PKP4: variants seen among roughly 807,000 people sequenced by gnomAD.
The protein encoded by PKP4 is plakophilin 4.
In PKP4, 90 loss-of-function variants were observed where a neutral mutation model predicts 145.1. The observed-to-expected ratio is 0.62, with a 90% confidence interval of 0.52 to 0.74. The LOEUF (loss-of-function observed/expected upper bound fraction) is 0.74, where lower values mean the gene tolerates loss of function less well. PKP4 is among the 30% of genes least tolerant of loss of function. The probability of loss-of-function intolerance (pLI) is 0.00; values close to 1 mark genes in which losing one functional copy is unlikely to be tolerated. For synonymous variants in PKP4, 563 were observed against 577.2 expected (o/e 0.98, Z 0.35); for missense variants, 1,340 against 1,482.7 (o/e 0.90, Z 1.58).
chr2:158,554,428 T>TATTA (rs1559315965), intron 2 of PKP4, among the ~76,000 whole-genome samples: 1 of 44,150 alleles, frequency 2.3e-5, no homozygotes, highest in East Asian at 9.7e-4. Flanking sequence ...TTATTATTAT[T>TATTA]ATTTTTTTTT....
chr2:158,557,646 A>G (rs2046207570), intron 2 of PKP4, among the ~76,000 whole-genome samples: 1 of 152,264 alleles, frequency 6.6e-6, no homozygotes, highest in African/African-American at 2.4e-5. Flanking sequence ...CATTCATAAC[A>G]TAATACTATT....
chr2:158,655,148 G>T (rs957792657), intron 11 of PKP4, among the ~76,000 whole-genome samples: 11 of 152,186 alleles, frequency 7.2e-5, no homozygotes, highest in African/African-American at 2.7e-4. Context: ...TAAAGCCACA[G>T]TAAATGGTGA....
At chr2:158,555,053 T>C (rs2045973373) in intron 2 of PKP4, among the ~76,000 whole-genome samples, 1 of 152,226 alleles carries the variant, frequency 6.6e-6, no homozygotes, top group South Asian at 2.1e-4. Flanking sequence ...TAAACATTAG[T>C]ACATGTTTTA....
At chr2:158,550,143 AAG>A (rs2045479186) in intron 2 of PKP4, among the ~76,000 whole-genome samples, 9 of 146,992 alleles carry the variant, frequency 6.1e-5, no homozygotes, top group East Asian at 2.0e-4. Flanking sequence ...TGCCAAGAAG[AAG>A]TTAAACAATC....
intron 7 of PKP4, among the ~76,000 whole-genome samples, chr2:158,629,779 C>T (rs376676445): frequency 2.6e-5 from 4 of 152,046 alleles, no homozygotes; most frequent in Admixed American, 6.6e-5. Context: ...GGCGCGATCT[C>T]GGCTCACTGC....
intron 1 of PKP4, among the ~76,000 whole-genome samples, chr2:158,499,806 T>A (rs1020551355): frequency 6.6e-6 from 1 of 152,230 alleles, no homozygotes; most frequent in African/African-American, 2.4e-5. Context: ...GCCCATAGAT[T>A]TGTCTTAGAC....
In PKP4 at chr2:158,669,912, A is replaced by T; in HGVS notation, c.2921A>T (p.Asp974Val). 3 of 1,609,394 alleles carry T rather than the reference A, an allele frequency of 1.9e-6. No homozygotes were observed. The highest frequency in any genetic ancestry group is 3.4e-5 in the Admixed American group (2 of 59,664). Residue 974 changes from aspartate to valine, a missense_variant, in exon 17 of 22, where the codon GAC (aspartate) becomes GTC (valine). By Grantham distance (152) the Asp-to-Val change is radical (BLOSUM62 -3). Transcript: ENST00000389759. ...KLVNITKGRG[D>V]RSSLKVVKAA... ...GTGAACATAACCAAAGGCAGGGGCG[A>T]CAGGCAAGTCTGCGGCAAGGAGGTG...
At chr2:158,659,645 A>G (rs1369010868) in intron 12 of PKP4, 1 of 152,248 alleles carries the variant, frequency 6.6e-6, no homozygotes, top group East Asian at 1.9e-4. Flanking sequence ...CTGAAATACC[A>G]CAAGGAGTGA....
intron 2 of PKP4, among the ~76,000 whole-genome samples, chr2:158,539,152 C>T (rs2044311771): frequency 6.6e-6 from 1 of 152,054 alleles, no homozygotes; most frequent in South Asian, 2.1e-4. Flanking sequence ...TCCTTATTAA[C>T]TTAAGTGATA....
chr2:158,624,027 A>T (rs2052519173), intron 6 of PKP4, among the ~76,000 whole-genome samples: 1 of 152,176 alleles, frequency 6.6e-6, no homozygotes, highest in South Asian at 2.1e-4. Flanking sequence ...AGAAATGTTC[A>T]CTTTCCATCC....
At chr2:158,567,052 G>A (rs1335471827) in intron 2 of PKP4, among the ~76,000 whole-genome samples, 8 of 152,172 alleles carry the variant, frequency 5.3e-5, no homozygotes, top group Admixed American at 5.2e-4. Flanking sequence ...AGGAAGGGGA[G>A]GCTGTAATAA....
intron 16 of PKP4, among the ~76,000 whole-genome samples, chr2:158,668,933 A>G (rs1018893962): frequency 6.6e-6 from 1 of 152,224 alleles, no homozygotes; most frequent in Non-Finnish European, 1.5e-5. Flanking sequence ...TAGTGCACTT[A>G]CAGTTTGTCA....
At chr2:158,618,362 G>A (rs1001214359) in intron 4 of PKP4, among the ~76,000 whole-genome samples, 3 of 152,136 alleles carry the variant, frequency 2.0e-5, no homozygotes, top group African/African-American at 7.2e-5. Context: ...CTGGGTACCT[G>A]AGAATTTTGT....
intron 2 of PKP4, among the ~76,000 whole-genome samples, chr2:158,543,123 A>G (rs1574394432): frequency 1.3e-5 from 2 of 152,256 alleles, no homozygotes; most frequent in East Asian, 3.9e-4. Flanking sequence ...GTGAGGCAAT[A>G]TATAGTCTTG....
chr2:158,545,596 C>A (rs2044953297), intron 2 of PKP4, among the ~76,000 whole-genome samples: 1 of 152,128 alleles, frequency 6.6e-6, no homozygotes, highest in South Asian at 2.1e-4. Context: ...TGTTTCTAGT[C>A]ACTTTTCATC....
chr2:158,561,304 T>C (rs1445754325), intron 2 of PKP4, among the ~76,000 whole-genome samples: 1 of 152,198 alleles, frequency 6.6e-6, no homozygotes, highest in East Asian at 1.9e-4. Context: ...GTTTGCCAAC[T>C]GCTGCTCTAG....
intron 8 of PKP4, among the ~76,000 whole-genome samples, chr2:158,633,387 T>C (rs975414753): frequency 2.0e-5 from 3 of 152,204 alleles, no homozygotes; most frequent in African/African-American, 7.2e-5. Flanking sequence ...AATCTAATAG[T>C]CAAGACAGCT....
intron 4 of PKP4, among the ~76,000 whole-genome samples, chr2:158,613,643 T>A (rs192738414): frequency 6.6e-6 from 1 of 152,320 alleles, no homozygotes. Flanking sequence ...CTGAGAACCA[T>A]CGCATTAGGA....
At position 158,634,105 on chromosome 2, in the gene PKP4, C is replaced by T. The variant is rs866817718; in HGVS notation, c.1378C>T (p.Arg460Ter). ...AAATCTACAAAGGACATCCAGCCAACGAAGTACCCTTACATACCAAAGAAA... is the reference window on the plus strand; with the variant it reads ...AAATCTACAAAGGACATCCAGCCAATGAAGTACCCTTACATACCAAAGAAA... ...IGNLQRTSSQ[R>*]STLTYQRNNY... Residue 460 changes from arginine (R) to a stop codon, truncating the protein, a stop_gained, in exon 9 of 22, where the codon CGA becomes TGA. Transcript: ENST00000389759. LOFTEE classifies it high-confidence loss of function. The T allele has an allele frequency of 1.9e-6, 3 of 1,613,560 alleles. No individual in the cohort carries two copies. The highest frequency in any genetic ancestry group is 1.7e-6 in the Non-Finnish European group (2 of 1,179,460).
Sources: allele counts gnomAD v4.1 joint callset (sites outside exome capture counted in the v4.1 genomes callset), GRCh38; gene constraint gnomAD v4.1.1; transcripts MANE v1.5; gene names NCBI Gene and HGNC (gene_info 2026-07-23, HGNC 2026-07-21).